SRPK2: variants seen among roughly 807,000 people sequenced by gnomAD.
The protein encoded by SRPK2 is SRSF protein kinase 2.
In SRPK2, 21 loss-of-function variants were observed where a neutral mutation model predicts 90.8. That is an observed-to-expected ratio of 0.23 (90% CI 0.16 to 0.33). The LOEUF is 0.33. Among genes scored for constraint, SRPK2 ranks in the 10% least tolerant of loss-of-function variants. The pLI is 1.00. For missense variants in SRPK2, 620 were observed against 869.0 expected, an observed-to-expected ratio of 0.71 and a Z score of 3.60; for synonymous variants, 288 against 311.1, an observed-to-expected ratio of 0.93 and a Z score of 0.78.
chr7:105,376,364 CAA>C (rs1204420865), intron 2 of SRPK2, among the ~76,000 whole-genome samples: 1 of 151,328 alleles, frequency 6.6e-6, no homozygotes, highest in Non-Finnish European at 1.5e-5. Context: ...CATCTCAGAG[CAA>C]AGAGTTGTAG....
intron 3 of SRPK2, among the ~76,000 whole-genome samples, chr7:105,203,362 T>G (rs536320460): frequency 6.6e-6 from 1 of 152,316 alleles, no homozygotes; most frequent in Admixed American, 6.5e-5. Context: ...CTAACAGATT[T>G]AAGTCCTTCT....
At chr7:105,303,366 G>A (rs1428779643) in intron 2 of SRPK2, among the ~76,000 whole-genome samples, 1 of 152,044 alleles carries the variant, frequency 6.6e-6, no homozygotes, top group South Asian at 2.1e-4. Flanking sequence ...TAATGTAAAT[G>A]ATGAGTTAAT....
chr7:105,289,728 A>T (rs546610210), intron 2 of SRPK2, among the ~76,000 whole-genome samples: 1 of 152,278 alleles, frequency 6.6e-6, no homozygotes, highest in Admixed American at 6.5e-5. Context: ...TAACACTTTA[A>T]ATTTCCGTCA....
chr7:105,237,733 G>A (rs1800311165), intron 2 of SRPK2, among the ~76,000 whole-genome samples: 1 of 152,206 alleles, frequency 6.6e-6, no homozygotes, highest in Non-Finnish European at 1.5e-5. Context: ...AACCAGACAT[G>A]AGACATCTGA....
At chr7:105,288,274 G>A (rs1447995491) in intron 2 of SRPK2, among the ~76,000 whole-genome samples, 1 of 152,030 alleles carries the variant, frequency 6.6e-6, no homozygotes, top group East Asian at 1.9e-4. Context: ...ATAAATCACT[G>A]AACTTAAAAT....
chr7:105,164,349 G>A (rs1293768790), intron 6 of SRPK2, among the ~76,000 whole-genome samples: 1 of 152,162 alleles, frequency 6.6e-6, no homozygotes, highest in Non-Finnish European at 1.5e-5. Flanking sequence ...CCATGTAAAT[G>A]TTCCTGTTCA....
chr7:105,377,036 T>C (rs1247645134), intron 2 of SRPK2, among the ~76,000 whole-genome samples: 1 of 152,108 alleles, frequency 6.6e-6, no homozygotes, highest in Non-Finnish European at 1.5e-5. Flanking sequence ...GCTAAGATAG[T>C]TCCAGCTATA....
chr7:105,363,124 C>A (rs1363986933), intron 2 of SRPK2, among the ~76,000 whole-genome samples: 1 of 152,074 alleles, frequency 6.6e-6, no homozygotes, highest in African/African-American at 2.4e-5. Flanking sequence ...CAACATGGCA[C>A]ATGTATACAT....
At chr7:105,383,052 AATT>A (rs1158449233) in intron 2 of SRPK2, among the ~76,000 whole-genome samples, 3 of 105,274 alleles carry the variant, frequency 2.8e-5, no homozygotes, top group African/African-American at 1.1e-4. Context: ...CAAAAGTAAA[AATT>A]TTTTTTTTTT....
chr7:105,137,028 AAGG>A (rs1378491012), intron 11 of SRPK2, among the ~76,000 whole-genome samples: 1 of 152,168 alleles, frequency 6.6e-6, no homozygotes, highest in Non-Finnish European at 1.5e-5. Flanking sequence ...AAAGCAGAGA[AAGG>A]AGATGGATAA....
At chr7:105,353,503 T>TTTTTTG (rs1817444997) in intron 2 of SRPK2, among the ~76,000 whole-genome samples, 1 of 146,092 alleles carries the variant, frequency 6.8e-6, no homozygotes, top group African/African-American at 2.5e-5. Context: ...TCCAGCCCAG[T>TTTTTTG]TTGTTGTTGT....
intron 2 of SRPK2, among the ~76,000 whole-genome samples, chr7:105,252,736 CTTTTT>C (rs796434008): frequency 1.6e-5 from 2 of 126,874 alleles, no homozygotes; most frequent in African/African-American, 2.8e-5. Context: ...TCTTTCTTTT[CTTTTT>C]TTTTTCTTTT....
At chr7:105,215,828 G>A (rs1797393540) in intron 2 of SRPK2, among the ~76,000 whole-genome samples, 1 of 152,178 alleles carries the variant, frequency 6.6e-6, no homozygotes, top group Non-Finnish European at 1.5e-5. Flanking sequence ...CGTAAGGCTG[G>A]AGGGGTACAG....
intron 2 of SRPK2, among the ~76,000 whole-genome samples, chr7:105,374,850 A>ACC (rs1262367695): frequency 6.6e-6 from 1 of 151,722 alleles, no homozygotes; most frequent in Admixed American, 6.6e-5. Flanking sequence ...CTCGTGATCC[A>ACC]CCCGCCTCGG....
intron 2 of SRPK2, among the ~76,000 whole-genome samples, chr7:105,286,295 T>C (rs1170167435): frequency 6.6e-6 from 1 of 152,222 alleles, no homozygotes; most frequent in African/African-American, 2.4e-5. Flanking sequence ...TTCAAGTTTA[T>C]AATCTTGCTG....
rs1406675891 is a variant in SRPK2, at chr7:105,117,751, T to C, written c.*87A>G. 3.5e-6 allele frequency: 5 copies of C among 1,427,008 alleles called. No individual in the cohort carries two copies. Among genetic ancestry groups the C allele is most frequent in the East Asian group, 2.4e-5 (1 of 42,232 alleles). 88.4% of individuals were successfully genotyped at this position (1,427,008 alleles called of 1,614,324 possible). A position where few individuals can be genotyped will look rare whatever the true frequency, so the allele number is the denominator to read the frequency against. Reference sequence around the variant, plus strand: ...TCTGAGGATGAAGCCAGCTCACTTGTAATCCTGTTAAAGAATGAGAGTCAC... The same window carrying C: ...TCTGAGGATGAAGCCAGCTCACTTGCAATCCTGTTAAAGAATGAGAGTCAC... On this transcript the variant is annotated 3_prime_UTR_variant, in exon 16 of 16. Coordinates refer to ENST00000393651, the MANE Select transcript of SRPK2 (RefSeq NM_182692.3).
chr7:105,295,303 G>A (rs763560308), intron 2 of SRPK2, among the ~76,000 whole-genome samples: 2 of 150,826 alleles, frequency 1.3e-5, no homozygotes, highest in Non-Finnish European at 3.0e-5. Context: ...ATATTTTAAT[G>A]TTTGTTTTAT....
At chr7:105,394,892 C>T (rs1278761039) in intron 1 of SRPK2, among the ~76,000 whole-genome samples, 3 of 152,058 alleles carry the variant, frequency 2.0e-5, no homozygotes, top group South Asian at 2.1e-4. Context: ...ACAAAACAGC[C>T]GGGCGCGGTG....
chr7:105,396,861 G>C (rs929476753), intron 1 of SRPK2, among the ~76,000 whole-genome samples: 1 of 150,334 alleles, frequency 6.7e-6, no homozygotes. Flanking sequence ...AGGGAGGAAG[G>C]GAGGAAGGAA....
Sources: gnomAD v4.1 joint callset for allele counts (sites outside exome capture counted in the v4.1 genomes callset) on GRCh38, gnomAD v4.1.1 for gene constraint, MANE v1.5 for transcripts, NCBI Gene and HGNC (gene_info 2026-07-23, HGNC 2026-07-21) for gene names.